Variants in GABRG3 observed in about 807,000 individuals in gnomAD.
GABRG3 encodes the protein gamma-aminobutyric acid type A receptor subunit gamma3.
A neutral mutation model predicts 48.8 loss-of-function variants in GABRG3; 25 were observed. The observed-to-expected ratio is 0.51, with a 90% CI of 0.37 to 0.72. GABRG3 has a LOEUF of 0.72. GABRG3 is among the 30% of genes least tolerant of loss of function. GABRG3 has a pLI of 0.00. For synonymous variants in GABRG3, 227 were observed against 217.6 expected, an observed-to-expected ratio of 1.04 and a Z score of -0.38; for missense variants, 394 against 577.9, an observed-to-expected ratio of 0.68 and a Z score of 3.26.
chr15:27,317,483 A>T (rs1030189973), intron 3 of GABRG3, among the ~76,000 whole-genome samples: 4 of 152,134 alleles, frequency 2.6e-5, no homozygotes, highest in Non-Finnish European at 2.9e-5. Context: ...CATCAGCCAG[A>T]CTCAGCCAGA....
intron 5 of GABRG3, among the ~76,000 whole-genome samples, chr15:27,467,578 T>C (rs932914261): frequency 3.3e-5 from 5 of 152,262 alleles, no homozygotes; most frequent in African/African-American, 1.2e-4. Flanking sequence ...GGGGCCTACC[T>C]ATGTTGTTTT....
At chr15:27,004,642 C>G (rs149509614) in intron 2 of GABRG3, among the ~76,000 whole-genome samples, 1 of 152,214 alleles carries the variant, frequency 6.6e-6, no homozygotes, top group Non-Finnish European at 1.5e-5. Flanking sequence ...CGCCACTGCA[C>G]TCCAGCCTGG....
chr15:27,350,779 T>C (rs578040342), intron 5 of GABRG3, among the ~76,000 whole-genome samples: 2 of 151,748 alleles, frequency 1.3e-5, no homozygotes, highest in South Asian at 4.2e-4. Flanking sequence ...CTGGGGCGAG[T>C]GCTGAGGTGA....
At position 27,326,043 on chromosome 15, in the gene GABRG3, G is replaced by A. The variant is rs967184526; in HGVS notation, c.271-766G>A. ...GCCTCTGAGGCAGCCCAGTCTGCAG[G>A]CACTTCTTTGGGTCTCCTAGAGTGC... On this transcript the variant is annotated intron_variant, in intron 3 of 9. Coordinates refer to ENST00000615808, the MANE Select transcript of GABRG3 (RefSeq NM_033223.5). Among the ~76,000 whole-genome samples the A allele has an allele frequency of 9.9e-5, 15 of 152,198 alleles. No individual in the cohort carries two copies. The South Asian group carries it at 1.5e-3, about 15-fold the overall frequency.
chr15:27,314,644 G>A (rs74005150), intron 3 of GABRG3, among the ~76,000 whole-genome samples: 7,566 of 152,214 alleles, frequency 0.05, 561 homozygotes, highest in African/African-American at 0.17. Context: ...GAATAACCAA[G>A]ATATGAAAAC....
intron 2 of GABRG3, among the ~76,000 whole-genome samples, chr15:26,984,021 A>G (rs1895104548): frequency 6.6e-6 from 1 of 151,998 alleles, no homozygotes; most frequent in Admixed American, 6.6e-5. Flanking sequence ...CGCCCCCTAC[A>G]GGAAGCCCTC....
At chr15:27,271,979 T>C (rs1202766514) in intron 3 of GABRG3, among the ~76,000 whole-genome samples, 1 of 152,178 alleles carries the variant, frequency 6.6e-6, no homozygotes. Context: ...CGCTTCCCTC[T>C]GACTCTCCTT....
chr15:27,470,544 G>A (rs1315566408), intron 5 of GABRG3, among the ~76,000 whole-genome samples: 2 of 149,544 alleles, frequency 1.3e-5, no homozygotes, highest in East Asian at 3.9e-4. Flanking sequence ...TTTTTTTATT[G>A]GCTTATGGGC....
intron 5 of GABRG3, among the ~76,000 whole-genome samples, chr15:27,401,484 A>T (rs1202436773): frequency 6.6e-6 from 1 of 152,202 alleles, no homozygotes; most frequent in South Asian, 2.1e-4. Flanking sequence ...AACTTTTTCA[A>T]TGTAGATTCT....
chr15:27,275,216 T>C (rs903916388), intron 3 of GABRG3, among the ~76,000 whole-genome samples: 2 of 152,224 alleles, frequency 1.3e-5, no homozygotes, highest in African/African-American at 4.8e-5. Context: ...ATTTGCAGTC[T>C]ATGCATTTTA....
At chr15:27,295,501 T>G (rs1474107696) in intron 3 of GABRG3, among the ~76,000 whole-genome samples, 4 of 152,182 alleles carry the variant, frequency 2.6e-5, no homozygotes, top group Admixed American at 2.6e-4. Flanking sequence ...GTCAAAATCC[T>G]GCTTGAGATG....
At chr15:27,460,585 A>T (rs767706085) in intron 5 of GABRG3, among the ~76,000 whole-genome samples, 1 of 152,220 alleles carries the variant, frequency 6.6e-6, no homozygotes, top group Non-Finnish European at 1.5e-5. Flanking sequence ...TGGAGATTAC[A>T]TGCTGGTTTG....
At chr15:27,196,835 A>G (rs1408830952) in intron 3 of GABRG3, among the ~76,000 whole-genome samples, 1 of 152,120 alleles carries the variant, frequency 6.6e-6, no homozygotes, top group African/African-American at 2.4e-5. Flanking sequence ...TGTGAAGCCT[A>G]AAGAAGGTAA....
intron 2 of GABRG3, among the ~76,000 whole-genome samples, chr15:26,994,247 T>C (rs917922636): frequency 6.6e-6 from 1 of 152,036 alleles, no homozygotes; most frequent in African/African-American, 2.4e-5. Flanking sequence ...GCTGTTTTGT[T>C]ACAGATATTC....
At chr15:27,045,009 C>T (rs1450962527) in intron 3 of GABRG3, among the ~76,000 whole-genome samples, 1 of 152,134 alleles carries the variant, frequency 6.6e-6, no homozygotes, top group African/African-American at 2.4e-5. Flanking sequence ...GTCTAACAAT[C>T]AATACTAAAA....
chr15:27,328,986 C>T (rs1370822076), intron 5 of GABRG3, 98 bp downstream of exon 5: 18 of 985,538 alleles, frequency 1.8e-5, no homozygotes, highest in Non-Finnish European at 2.9e-5. Flanking sequence ...TCACAGTGTC[C>T]CTGCACACAC....
At chr15:27,274,861 A>G (rs1341663359) in intron 3 of GABRG3, among the ~76,000 whole-genome samples, 2 of 152,238 alleles carry the variant, frequency 1.3e-5, no homozygotes, top group Non-Finnish European at 2.9e-5. Flanking sequence ...CATTTTCATT[A>G]AAAAATAAAT....
chr15:27,414,930 A>G (rs138682974), intron 5 of GABRG3, among the ~76,000 whole-genome samples: 2 of 151,756 alleles, frequency 1.3e-5, no homozygotes, highest in African/African-American at 4.8e-5. Flanking sequence ...TTTATCTTTG[A>G]TTTTCGGGAG....
At chr15:27,243,274 G>A (rs906828565) in intron 3 of GABRG3, among the ~76,000 whole-genome samples, 5 of 152,254 alleles carry the variant, frequency 3.3e-5, no homozygotes, top group Admixed American at 2.6e-4. Flanking sequence ...CATCGTGAAC[G>A]CTGTGAAAAT....
Sources: gnomAD v4.1 joint callset for allele counts (sites outside exome capture counted in the v4.1 genomes callset) on GRCh38, gnomAD v4.1.1 for gene constraint, MANE v1.5 for transcripts, NCBI Gene and HGNC (gene_info 2026-07-23, HGNC 2026-07-21) for gene names.